POLDIP2: variants seen among roughly 807,000 people sequenced by gnomAD.
The protein encoded by POLDIP2 is DNA polymerase delta interacting protein 2, also known as polymerase delta-interacting protein 2.
Under a neutral mutation model 52.9 loss-of-function variants are expected in POLDIP2, and 32 were observed. The observed-to-expected ratio is 0.61, with a 90% CI of 0.46 to 0.81. The LOEUF (loss-of-function observed/expected upper bound fraction) is 0.81, where lower values mean the gene tolerates loss of function less well. POLDIP2 is among the 40% of genes least tolerant of loss of function. The probability of loss-of-function intolerance (pLI) is 0.00; values close to 1 mark genes in which losing one functional copy is unlikely to be tolerated. For missense variants in POLDIP2, 371 were observed against 477.3 expected (o/e 0.78, Z 2.07); for synonymous variants, 183 against 183.0 (o/e 1.00, Z 0.00).
chr17:28,351,560 G>T, intron 7 of POLDIP2, 104 bp downstream of exon 7: 2 of 1,107,250 alleles, frequency 1.8e-6, no homozygotes. Flanking sequence ...AGAACCACAG[G>T]GACATGGTTT....
chr17:28,353,520 C>CAGAAAAAAAAAAAAAAAAAAAAAAAA (rs1907897128), intron 4 of POLDIP2, among the ~76,000 whole-genome samples, 175 bp downstream of exon 4: 3 of 54,804 alleles, frequency 5.5e-5, no homozygotes, highest in East Asian at 4.2e-3. Context: ...GACTCCATAT[C>CAGAAAAAAAAAAAAAAAAAAAAAAAA]AAAAAAAAAA....
chr17:28,352,253 T>TTTTC (rs1234903640), intron 6 of POLDIP2, among the ~76,000 whole-genome samples: 1 of 145,760 alleles, frequency 6.9e-6, no homozygotes, highest in Non-Finnish European at 1.5e-5. Context: ...TTTTTTTTTT[T>TTTTC]TTGGAGACGG....
In POLDIP2 at chr17:28,347,897, C is replaced by T. The variant is rs1907643577; in HGVS notation, c.*220G>A. 2 of 532,950 alleles carry T rather than the reference C, an allele frequency of 3.8e-6. No individual in the cohort carries two copies. The highest frequency in any genetic ancestry group is 6.7e-6 in the Non-Finnish European group (2 of 299,138). The allele number at this position is 532,950 out of a possible 1,614,324, so 33.0% of individuals were successfully genotyped here. ...TCCTTGGTGGAGAGGTTTACTGGAA[C>T]ATGGTGTAGGCAGGGCTTATGAGGA... On this transcript the variant is annotated 3_prime_UTR_variant, in exon 11 of 11. Coordinates refer to ENST00000540200, the MANE Select transcript of POLDIP2 (RefSeq NM_015584.5).
chr17:28,346,715 A>G lies in POLDIP2; in HGVS notation c.*1402T>C, dbSNP rs1907581987. 1 of 152,224 alleles carries G rather than the reference A, an allele frequency of 6.6e-6. No individual in the cohort carries two copies. The highest frequency in any genetic ancestry group is 6.5e-5 in the Admixed American group (1 of 15,282). 9.4% of individuals were successfully genotyped at this position (152,224 alleles called of 1,614,324 possible). Reference sequence around the variant, plus strand: ...AAGTTTCCAGCCCTATTCAGAAAGCAACTCTTGGCTGTGTGCATTTTTCAA... The same window carrying G: ...AAGTTTCCAGCCCTATTCAGAAAGCGACTCTTGGCTGTGTGCATTTTTCAA... On this transcript the variant is annotated 3_prime_UTR_variant, in exon 11 of 11. Coordinates refer to ENST00000540200, the MANE Select transcript of POLDIP2 (RefSeq NM_015584.5).
rs1907867539 is a variant in POLDIP2 at position 28,353,010 on chromosome 17, T to C, written c.524A>G (p.Tyr175Cys). The C allele has an allele frequency of 1.9e-6, 2 of 1,040,334 alleles. No individual in the cohort carries two copies. The highest frequency in any genetic ancestry group is 2.5e-5 in the South Asian group (2 of 79,438). 64.4% of individuals were successfully genotyped at this position (1,040,334 alleles called of 1,614,324 possible). A position where few individuals can be genotyped will look rare whatever the true frequency, so the allele number is the denominator to read the frequency against. Residue 175 changes from tyrosine to cysteine, a missense_variant, in exon 6 of 11, where the codon TAT becomes TGT. Tyr to Cys is a radical substitution (Grantham distance 194). Coordinates refer to ENST00000540200, the MANE Select transcript of POLDIP2 (RefSeq NM_015584.5). ...RALYAIPGLD[Y>C]VSHEDILPYT... ...GGGGAGGATGTCTTCATGGCTGACA[T>C]AGTCCAAGCCTGGCACAGAGATGCA...
chr17:28,351,836 G>A, intron 6 of POLDIP2, 36 bp from the exon 7 acceptor site: 3 of 1,589,746 alleles, frequency 1.9e-6, no homozygotes, highest in Non-Finnish European at 2.6e-6. Context: ...CCAATTGTGT[G>A]TTGTGGATAC....
intron 1 of POLDIP2, among the ~76,000 whole-genome samples, chr17:28,357,029 G>A (rs1237880789): frequency 6.6e-6 from 1 of 152,250 alleles, no homozygotes; most frequent in Admixed American, 6.5e-5. Flanking sequence ...CCCAGCCGGG[G>A]AAGTAGGATT....
rs1555580077 is a variant in POLDIP2, at chr17:28,352,136, A to G, written c.623-336T>C. 2.6e-5 allele frequency among the ~76,000 whole-genome samples: 4 copies of G among 151,812 alleles called. No homozygotes were observed. In the South Asian group the frequency reaches 6.2e-4, roughly 24 times the overall value. On this transcript the variant is annotated intron_variant, in intron 6 of 10. Coordinates refer to ENST00000540200, the MANE Select transcript of POLDIP2 (RefSeq NM_015584.5). ...CCTCAGTTTCCATATCTGTAAGGAA[A>G]TAACTGCCATCTGTCATCTGTCAGG...
chr17:28,350,721 AG>A (rs1207166126), intron 8 of POLDIP2, 44 bp downstream of exon 8: 2 of 1,587,502 alleles, frequency 1.3e-6, no homozygotes, highest in Non-Finnish European at 1.7e-6. Context: ...CCTGACCCCC[AG>A]GCACACCCCA....
chr17:28,355,783 C>T lies in POLDIP2; in HGVS notation c.243+12G>A. The T allele has an allele frequency of 6.2e-7, 1 of 1,602,280 alleles. No individual in the cohort carries two copies. The highest frequency in any genetic ancestry group is 8.5e-7 in the Non-Finnish European group (1 of 1,171,916). ...TCTATGAAAATGAAAGATGACCCAG[C>T]CCAATACTCACCTGCCCGGTCTCAT... On this transcript the variant is annotated intron_variant, in intron 2 of 10. Coordinates refer to ENST00000540200, the MANE Select transcript of POLDIP2 (RefSeq NM_015584.5).
rs1014313036 is a variant in POLDIP2 at position 28,353,843 on chromosome 17, T to G, written c.342-52A>C. 6 of 1,231,554 alleles carry G rather than the reference T, an allele frequency of 4.9e-6. No homozygotes were observed. In the African/African-American group the frequency reaches 8.9e-5, roughly 18 times the overall value. The allele number at this position is 1,231,554 out of a possible 1,614,324, so 76.3% of individuals were successfully genotyped here. A position where few individuals can be genotyped will look rare whatever the true frequency, so the allele number is the denominator to read the frequency against. ...ATCACCCCAGGAGAAATGGAAGCTG[T>G]GGCTGACTCAGCTCCCTACTCCTCC... On this transcript the variant is annotated intron_variant, in intron 3 of 10. Transcript: ENST00000540200.
At chr17:28,354,017 A>C (rs554543661) in intron 3 of POLDIP2, among the ~76,000 whole-genome samples, 3 of 152,292 alleles carry the variant, frequency 2.0e-5, no homozygotes, top group Admixed American at 2.0e-4. Context: ...GACCGTGTGG[A>C]TACCTCTTAA....
At position 28,348,086 on chromosome 17, in the gene POLDIP2, C is replaced by G; in HGVS notation, c.*31G>C. On this transcript the variant is annotated 3_prime_UTR_variant, in exon 11 of 11. Transcript: ENST00000540200. Reference sequence around the variant, plus strand: ...GGATGAGAGTTGTTCTTCCCGGTGACCAAGCCTGGGCACTTGGGGCCTCAG... The same window carrying G: ...GGATGAGAGTTGTTCTTCCCGGTGAGCAAGCCTGGGCACTTGGGGCCTCAG... 7.4e-7 allele frequency: 1 copy of G among 1,360,002 alleles called. No individual in the cohort carries two copies. The highest frequency in any genetic ancestry group is 1.1e-6 in the Non-Finnish European group (1 of 948,726). The allele number at this position is 1,360,002 out of a possible 1,614,324, so 84.2% of individuals were successfully genotyped here.
rs1907596728 is a variant in POLDIP2, at chr17:28,346,990, T to G, written c.*1127A>C. On this transcript the variant is annotated 3_prime_UTR_variant, in exon 11 of 11. Transcript: ENST00000540200. ...GATGGAAGCAAACACTAATTTCTAA[T>G]AAAATTGTGTTAAACTCAATGGTAC... 6.6e-6 allele frequency: 1 copy of G among 152,222 alleles called. No homozygotes were observed. The highest frequency in any genetic ancestry group is 6.5e-5 in the Admixed American group (1 of 15,278). 9.4% of individuals were successfully genotyped at this position (152,222 alleles called of 1,614,324 possible). A position where few individuals can be genotyped will look rare whatever the true frequency, so the allele number is the denominator to read the frequency against.
chr17:28,353,523 A>G (rs1907899831), intron 4 of POLDIP2, among the ~76,000 whole-genome samples, 172 bp downstream of exon 4: 1 of 140,640 alleles, frequency 7.1e-6, no homozygotes, highest in Non-Finnish European at 1.5e-5. Context: ...TCCATATCAA[A>G]AAAAAAAAAA....
chr17:28,352,604 C>T (rs935240521), intron 6 of POLDIP2, among the ~76,000 whole-genome samples: 11 of 143,522 alleles, frequency 7.7e-5, no homozygotes, highest in African/African-American at 2.6e-4. Flanking sequence ...ATGGTGCAAT[C>T]TCGGCTCACT....
rs1907587834 is a variant in POLDIP2, at chr17:28,346,813, C to G, written c.*1304G>C. 1.3e-5 allele frequency: 2 copies of G among 152,176 alleles called. No individual in the cohort carries two copies. The allele number at this position is 152,176 out of a possible 1,614,324, so 9.4% of individuals were successfully genotyped here. On this transcript the variant is annotated 3_prime_UTR_variant, in exon 11 of 11. Transcript: ENST00000540200. ...ATTTTCTTGTCAGTTTCTGAGAAACCTGGCAGCCTGCTGTTAACAACACAG... is the reference window on the plus strand; with the variant it reads ...ATTTTCTTGTCAGTTTCTGAGAAACGTGGCAGCCTGCTGTTAACAACACAG...
At chr17:28,353,903 C>A in intron 3 of POLDIP2, 112 bp from the exon 4 acceptor site, 1 of 732,874 alleles carries the variant, frequency 1.4e-6, no homozygotes, top group Non-Finnish European at 2.5e-6. Context: ...TCTAAAGGGG[C>A]TTTAGCACCA....
In POLDIP2 at chr17:28,355,846, T is replaced by A; in HGVS notation, c.192A>T (p.Thr64=). The change falls in exon 2 of 11, where the codon ACA becomes ACT. Residue 64 remains threonine (T), a synonymous_variant. Transcript: ENST00000540200. ...GTTTTGGCACCTCAAACACACCAAC[T>A]GTCTCCAACACTTTGCCCTCTGGTC... is the stretch of plus-strand genomic sequence containing the variant. ...RNRPEGKVLE[T]VGVFEVPKQN... 1.9e-6 allele frequency: 3 copies of A among 1,613,182 alleles called. No homozygotes were observed. Among genetic ancestry groups the A allele is most frequent in the Non-Finnish European group, 2.5e-6 (3 of 1,179,592 alleles).
Sources: allele counts gnomAD v4.1 joint callset (sites outside exome capture counted in the v4.1 genomes callset), GRCh38; gene constraint gnomAD v4.1.1; transcripts MANE v1.5; gene names NCBI Gene and HGNC (gene_info 2026-07-23, HGNC 2026-07-21).